Variants in MECOM observed in about 807,000 individuals in gnomAD.
MECOM encodes histone-lysine N-methyltransferase MECOM.
In MECOM, 13 loss-of-function variants were observed where a neutral mutation model predicts 116.3. The ratio of observed to expected loss-of-function variants is 0.11; its 90% CI spans 0.07 to 0.18. The LOEUF (loss-of-function observed/expected upper bound fraction) is 0.18. MECOM is among the 10% of genes least tolerant of loss of function. The pLI, the probability that MECOM is intolerant of heterozygous loss-of-function variation, is 1.00. For synonymous variants in MECOM, 528 were observed against 535.2 expected (o/e 0.99, Z 0.19); for missense variants, 1,299 against 1,509.0 (o/e 0.86, Z 2.31).
intron 2 of MECOM, among the ~76,000 whole-genome samples, chr3:169,175,590 T>C (rs1411634479): frequency 3.3e-5 from 5 of 152,190 alleles, no homozygotes; most frequent in Non-Finnish European, 7.4e-5. Context: ...TTTTGGATAA[T>C]GGACACTCAA....
chr3:169,445,412 T>A (rs934370600), intron 1 of MECOM, among the ~76,000 whole-genome samples: 1 of 152,204 alleles, frequency 6.6e-6, no homozygotes, highest in African/African-American at 2.4e-5. Context: ...GCCCCAAATC[T>A]TGGCAGCTTC....
intron 1 of MECOM, among the ~76,000 whole-genome samples, chr3:169,407,661 AAAT>A (rs1736916621): frequency 6.6e-6 from 1 of 152,232 alleles, no homozygotes; most frequent in Non-Finnish European, 1.5e-5. Context: ...ACATAATCCA[AAAT>A]AATAACTTCT....
At chr3:169,315,081 G>A (rs1034014229) in intron 2 of MECOM, among the ~76,000 whole-genome samples, 13 of 152,166 alleles carry the variant, frequency 8.5e-5, no homozygotes, top group Admixed American at 6.5e-4. Context: ...GACACAGAGT[G>A]AGTGAGATTG....
chr3:169,291,939 A>T (rs1178352970), intron 2 of MECOM, among the ~76,000 whole-genome samples: 1 of 152,186 alleles, frequency 6.6e-6, no homozygotes, highest in Non-Finnish European at 1.5e-5. Flanking sequence ...AAGAGCTGAT[A>T]TTTGTTTCAA....
intron 1 of MECOM, among the ~76,000 whole-genome samples, chr3:169,396,114 C>A (rs76591724): frequency 6.6e-6 from 1 of 152,072 alleles, no homozygotes; most frequent in Non-Finnish European, 1.5e-5. Context: ...TCTTACTGAC[C>A]TGATAGAATC....
intron 3 of MECOM, chr3:169,133,859 G>A (rs146273053): frequency 5.2e-6 from 6 of 1,164,164 alleles, no homozygotes; most frequent in Middle Eastern, 2.2e-4. Context: ...TTTCATTCTG[G>A]AGTTCTATTT....
At chr3:169,592,912 G>A (rs1766604704) in intron 1 of MECOM, among the ~76,000 whole-genome samples, 1 of 151,940 alleles carries the variant, frequency 6.6e-6, no homozygotes, top group Non-Finnish European at 1.5e-5. Context: ...CACACATCAT[G>A]GGATATATAT....
At chr3:169,604,551 G>T (rs1442092639) in intron 1 of MECOM, among the ~76,000 whole-genome samples, 1 of 152,200 alleles carries the variant, frequency 6.6e-6, no homozygotes, top group Non-Finnish European at 1.5e-5. Flanking sequence ...CTTGTGCAGG[G>T]AAGAGCTGGG....
chr3:169,278,279 A>C (rs529220460), intron 2 of MECOM, among the ~76,000 whole-genome samples: 3 of 152,278 alleles, frequency 2.0e-5, no homozygotes, highest in African/African-American at 7.2e-5. Context: ...TGCACAACCC[A>C]AGCCAGGCCT....
chr3:169,661,680 G>T (rs1008782014), intron 1 of MECOM, among the ~76,000 whole-genome samples: 3 of 152,172 alleles, frequency 2.0e-5, no homozygotes, highest in Non-Finnish European at 2.9e-5. Flanking sequence ...TCCAATGCCC[G>T]CGAAGCCGAG....
chr3:169,290,558 C>A (rs1714338123), intron 2 of MECOM, among the ~76,000 whole-genome samples: 1 of 152,112 alleles, frequency 6.6e-6, no homozygotes, highest in South Asian at 2.1e-4. Context: ...ATGAGCCTCC[C>A]AGTGACAGCC....
rs1234779904 is a variant in MECOM, at chr3:169,378,499, AAG to A, written c.375+2686_375+2687del. On this transcript the variant is annotated intron_variant, in intron 2 of 16. Transcript: ENST00000651503. ...CAAGAAAGAGAGAGAGAAAGAAAGAAAGAAAGAAAGAAAGAAAAGAAAGAAAG... is the reference window on the plus strand; with the variant it reads ...CAAGAAAGAGAGAGAGAAAGAAAGAAAAAGAAAGAAAGAAAAGAAAGAAAG... Among the ~76,000 whole-genome samples, 14 of 32,200 alleles carry A rather than the reference AAG, an allele frequency of 4.3e-4. 2 individuals are homozygous for A. Among genetic ancestry groups the A allele is most frequent in the South Asian group, 1.6e-3 (2 of 1,284 alleles). 21.1% of individuals were successfully genotyped at this position (32,200 alleles called of 152,430 possible).
chr3:169,426,202 C>CT (rs1263229102), intron 1 of MECOM, among the ~76,000 whole-genome samples: 2 of 152,050 alleles, frequency 1.3e-5, no homozygotes, highest in Non-Finnish European at 2.9e-5. Flanking sequence ...ACACAGATTT[C>CT]TTTTTGCAAA....
At chr3:169,253,102 A>G (rs1266277965) in intron 2 of MECOM, among the ~76,000 whole-genome samples, 2 of 152,198 alleles carry the variant, frequency 1.3e-5, no homozygotes, top group Non-Finnish European at 2.9e-5. Flanking sequence ...TCCTCTGGAA[A>G]ACAGGAAGTT....
At chr3:169,417,006 A>T (rs1738743712) in intron 1 of MECOM, among the ~76,000 whole-genome samples, 1 of 152,144 alleles carries the variant, frequency 6.6e-6, no homozygotes, top group African/African-American at 2.4e-5. Flanking sequence ...TAAAAACCCT[A>T]GAAGAAAACC....
intron 1 of MECOM, among the ~76,000 whole-genome samples, chr3:169,594,029 G>T (rs1766759242): frequency 6.6e-6 from 1 of 151,756 alleles, no homozygotes; most frequent in African/African-American, 2.4e-5. Context: ...GCTGAGGCAG[G>T]AGAATTGCTT....
At chr3:169,518,264 AAAAAAG>A (rs1365887046) in intron 1 of MECOM, among the ~76,000 whole-genome samples, 1 of 148,490 alleles carries the variant, frequency 6.7e-6, no homozygotes, top group African/African-American at 2.6e-5. Context: ...ATCTCAAAAA[AAAAAAG>A]AAAAGAAAAG....
intron 1 of MECOM, among the ~76,000 whole-genome samples, chr3:169,383,103 T>C (rs1285393924): frequency 1.3e-5 from 2 of 152,100 alleles, no homozygotes; most frequent in Non-Finnish European, 1.5e-5. Flanking sequence ...AGATTTATTA[T>C]TGTAACAGAC....
chr3:169,617,812 T>C lies in MECOM; in HGVS notation c.37+45524A>G, dbSNP rs550551598. On this transcript the variant is annotated intron_variant, in intron 1 of 16. Transcript: ENST00000651503. ...CAAAGAATGGGTAGCCCACCTGCCA[T>C]CAGAGTCTATACCAACCATTTAGAA... is the stretch of plus-strand genomic sequence containing the variant. Among the ~76,000 whole-genome samples the C allele has an allele frequency of 7.2e-5, 11 of 152,332 alleles. No homozygotes were observed. In the South Asian group the frequency reaches 2.3e-3, roughly 32 times the overall value.
Sources: gnomAD v4.1 joint callset for allele counts (sites outside exome capture counted in the v4.1 genomes callset) on GRCh38, gnomAD v4.1.1 for gene constraint, MANE v1.5 for transcripts, NCBI Gene and HGNC (gene_info 2026-07-23, HGNC 2026-07-21) for gene names.